GABRA4: variants seen among roughly 807,000 people sequenced by gnomAD.
GABRA4 encodes the protein gamma-aminobutyric acid receptor subunit alpha-4.
Under a neutral mutation model 49.7 loss-of-function variants are expected in GABRA4, and 12 were observed. The observed-to-expected ratio is 0.24, with a 90% CI of 0.15 to 0.39. The LOEUF (loss-of-function observed/expected upper bound fraction) is 0.39, where lower values mean the gene tolerates loss of function less well. GABRA4 is among the 10% of genes least tolerant of loss of function. The pLI is 1.00. For synonymous variants in GABRA4, 288 were observed against 240.2 expected, an observed-to-expected ratio of 1.20 and a Z score of -1.84; for missense variants, 506 against 686.0, an observed-to-expected ratio of 0.74 and a Z score of 2.93.
chr4:46,939,005 G>T (rs976244162), intron 8 of GABRA4, among the ~76,000 whole-genome samples: 7 of 152,156 alleles, frequency 4.6e-5, no homozygotes, highest in Admixed American at 2.0e-4. Flanking sequence ...TGGGAGATGG[G>T]AAAACCTCTT....
At chr4:46,953,511 T>A (rs906884927) in intron 8 of GABRA4, among the ~76,000 whole-genome samples, 1 of 152,168 alleles carries the variant, frequency 6.6e-6, no homozygotes, top group Non-Finnish European at 1.5e-5. Flanking sequence ...ATAATGGTAA[T>A]ATATTCTAAA....
chr4:46,964,972 G>A lies in GABRA4; in HGVS notation c.1132C>T (p.Gln378Ter). Residue 378 changes from glutamine to a stop codon, truncating the protein, a stop_gained and splice_region_variant, in exon 8 of 9, where the codon CAG (glutamine) becomes TAG (stop). Coordinates refer to ENST00000264318, the MANE Select transcript of GABRA4 (RefSeq NM_000809.4). LOFTEE classifies it low-confidence loss of function (END_TRUNC). ...QREKHPEAPL[Q>*]NTNANLNMRK... is the part of the protein sequence containing the mutation. ...TGAAGGTGGATTAAGTCAAATACCT[G>A]CAGAGGGGCTTCAGGATGCTTCTCT... The A allele has an allele frequency of 6.3e-7, 1 of 1,596,020 alleles. No homozygotes were observed. The highest frequency in any genetic ancestry group is 8.5e-7 in the Non-Finnish European group (1 of 1,170,078).
chr4:46,991,851 A>G (rs1723757401), intron 2 of GABRA4, among the ~76,000 whole-genome samples: 1 of 152,226 alleles, frequency 6.6e-6, no homozygotes, highest in South Asian at 2.1e-4. Flanking sequence ...ATACAATATT[A>G]CTGGCTGTTA....
At position 46,992,852 on chromosome 4, in the gene GABRA4, T is replaced by C. The variant is rs1416549258; in HGVS notation, c.181A>G (p.Asn61Asp). 1 of 1,613,920 alleles carries C rather than the reference T, an allele frequency of 6.2e-7. No individual in the cohort carries two copies. The highest frequency in any genetic ancestry group is 8.5e-7 in the Non-Finnish European group (1 of 1,179,946). The change falls in exon 2 of 9, where the codon AAC becomes GAC. Residue 61 changes from asparagine (N) to aspartate (D), a missense_variant. By Grantham distance (23) the Asn-to-Asp change is conservative (BLOSUM62 1). Transcript: ENST00000264318. ...CCCCCAAATCCAGGACGCAGCCTGT[T>C]GTCATAACCATCGAGCAAACTGTCC... ...ILDSLLDGYD[N>D]RLRPGFGGPV...
chr4:46,959,678 G>A (rs369251265), intron 8 of GABRA4, among the ~76,000 whole-genome samples: 2 of 131,862 alleles, frequency 1.5e-5, no homozygotes, highest in Non-Finnish European at 3.1e-5. Flanking sequence ...CAGCAGAATG[G>A]TTTTATTCTG....
intron 8 of GABRA4, among the ~76,000 whole-genome samples, chr4:46,953,271 C>A (rs1722234626): frequency 6.6e-6 from 1 of 151,998 alleles, no homozygotes; most frequent in African/African-American, 2.4e-5. Context: ...CATCCCTCAC[C>A]CCCTAAAGCT....
chr4:46,935,980 A>T (rs1721590297), intron 8 of GABRA4, among the ~76,000 whole-genome samples: 2 of 152,234 alleles, frequency 1.3e-5, no homozygotes, highest in Admixed American at 6.5e-5. Context: ...AGTAAACCTT[A>T]TAACTTATGC....
At chr4:46,989,291 G>C (rs1723656501) in intron 2 of GABRA4, among the ~76,000 whole-genome samples, 1 of 152,204 alleles carries the variant, frequency 6.6e-6, no homozygotes, top group South Asian at 2.1e-4. Context: ...GTGTTACAGT[G>C]TTGAAAGTGA....
rs747632257 is a variant in GABRA4, at chr4:46,974,210, C to T, written c.721+22G>A. On this transcript the variant is annotated intron_variant, in intron 6 of 8. Transcript: ENST00000264318. ...TTGCTAACACCAAGTAGCATGTCGGCTTTAATCATTACACATCTCACCCGT... is the reference window on the plus strand; with the variant it reads ...TTGCTAACACCAAGTAGCATGTCGGTTTTAATCATTACACATCTCACCCGT... 6.9e-6 allele frequency: 11 copies of T among 1,599,364 alleles called. No homozygotes were observed. In the South Asian group the frequency reaches 1.1e-4, roughly 16 times the overall value.
chr4:46,943,617 C>T, intron 8 of GABRA4, among the ~76,000 whole-genome samples: 1 of 151,972 alleles, frequency 6.6e-6, no homozygotes, highest in Admixed American at 6.6e-5. Context: ...CCTCATCATC[C>T]CCTTCCTTTC....
chr4:46,963,685 A>G (rs1722654433), intron 8 of GABRA4, among the ~76,000 whole-genome samples: 1 of 151,834 alleles, frequency 6.6e-6, no homozygotes. Flanking sequence ...TGGAAATTGT[A>G]AACAGATATA....
rs1241626725 is a variant in GABRA4, at chr4:46,919,446, C to A, written c.*8779G>T. 2.0e-5 allele frequency: 3 copies of A among 151,214 alleles called. No homozygotes were observed. The highest frequency in any genetic ancestry group is 6.6e-5 in the Admixed American group (1 of 15,148). 9.4% of individuals were successfully genotyped at this position (151,214 alleles called of 1,614,324 possible). A position where few individuals can be genotyped will look rare whatever the true frequency, so the allele number is the denominator to read the frequency against. ...ATGTGTTCTTGAGGAAGTAATTTTC[C>A]CATAAAATCAAAACACCTCTATCTC... is the stretch of plus-strand genomic sequence containing the variant. On this transcript the variant is annotated 3_prime_UTR_variant, in exon 9 of 9. Transcript: ENST00000264318.
At chr4:46,975,795 A>G (rs1222909762) in intron 5 of GABRA4, among the ~76,000 whole-genome samples, 1 of 151,996 alleles carries the variant, frequency 6.6e-6, no homozygotes, top group Non-Finnish European at 1.5e-5. Context: ...ATTACAGCAC[A>G]AATGGATTTT....
chr4:46,941,106 G>T (rs1259993563), intron 8 of GABRA4, among the ~76,000 whole-genome samples: 3 of 151,738 alleles, frequency 2.0e-5, no homozygotes, highest in Non-Finnish European at 4.4e-5. Flanking sequence ...GCACATTAAT[G>T]TATACTGCCA....
rs1392091591 is a variant in GABRA4, at chr4:46,971,222, A to G, written c.735T>C (p.Val245=). 6.2e-7 allele frequency: 1 copy of G among 1,609,406 alleles called. No homozygotes were observed. Among genetic ancestry groups the G allele is most frequent in the East Asian group, 2.2e-5 (1 of 44,692 alleles). Residue 245 remains valine, a synonymous_variant, in exon 7 of 9, where the codon GTT becomes GTC. Coordinates refer to ENST00000264318, the MANE Select transcript of GABRA4 (RefSeq NM_000809.4). The part of the protein sequence containing the change: ...TIKSITGEYI[V]MTVYFHLRRK... ...GTCTGAGGTGGAAGTAAACCGTCAT[A>G]ACAATATATTCACCTGCCAAGAAAA...
Position 46,925,961 on chromosome 4 carries a change from C to G in GABRA4, c.*2264G>C, listed in dbSNP as rs1014311511. ...AATCATTTCTTTTTATCTCTTTACA[C>G]TCTGTAAGATTTGTAGAAGAACACT... On this transcript the variant is annotated 3_prime_UTR_variant, in exon 9 of 9. Coordinates refer to ENST00000264318, the MANE Select transcript of GABRA4 (RefSeq NM_000809.4). 1 of 151,416 alleles carries G rather than the reference C, an allele frequency of 6.6e-6. No homozygotes were observed. Among genetic ancestry groups the G allele is most frequent in the African/African-American group, 2.4e-5 (1 of 41,266 alleles). 9.4% of individuals were successfully genotyped at this position (151,416 alleles called of 1,614,324 possible).
intron 8 of GABRA4, among the ~76,000 whole-genome samples, chr4:46,948,580 A>G (rs906578162): frequency 3.9e-5 from 6 of 152,062 alleles, no homozygotes; most frequent in Admixed American, 1.3e-4. Flanking sequence ...CAACTCTGTA[A>G]TGAATTAGGC....
rs200114018 is a variant in GABRA4, at chr4:46,928,264, T to C, written c.1626A>G (p.Leu542=). ...AFNMVYWVVY[L]SKDTMEKSES... is the part of the protein sequence containing the mutation. ...CTGATTTCTCCATAGTGTCCTTAGA[T>C]AAATAAACAACCCAATAAACCATGT... The change falls in exon 9 of 9, where the codon TTA becomes TTG. Residue 542 remains leucine (L), a synonymous_variant. Transcript: ENST00000264318. The C allele has an allele frequency of 9.9e-6, 16 of 1,612,668 alleles. No homozygotes were observed. Among genetic ancestry groups the C allele is most frequent in the Non-Finnish European group, 1.3e-5 (15 of 1,179,404 alleles).
At position 46,926,735 on chromosome 4, in the gene GABRA4, A is replaced by G. The variant is rs1721243221; in HGVS notation, c.*1490T>C. The G allele has an allele frequency of 6.6e-6, 1 of 151,950 alleles. No homozygotes were observed. 9.4% of individuals were successfully genotyped at this position (151,950 alleles called of 1,614,324 possible). On this transcript the variant is annotated 3_prime_UTR_variant, in exon 9 of 9. Transcript: ENST00000264318. The stretch of plus-strand genomic sequence containing the variant: ...GGCAATATGACAAAAAACCATACTT[A>G]GATTCAGCTGCATAGACAGTTGCAA...
Sources: gnomAD v4.1 joint callset for allele counts (sites outside exome capture counted in the v4.1 genomes callset) on GRCh38, gnomAD v4.1.1 for gene constraint, MANE v1.5 for transcripts, NCBI Gene and HGNC (gene_info 2026-07-23, HGNC 2026-07-21) for gene names.